The following NKAIN3 variants were observed in gnomAD, a reference collection of about 807,000 sequenced individuals.
NKAIN3 encodes the protein sodium/potassium transporting ATPase interacting 3, also known as sodium/potassium-transporting ATPase subunit beta-1-interacting protein 3.
Under a neutral mutation model 30.2 loss-of-function variants are expected in NKAIN3, and 25 were observed. That is an observed-to-expected ratio of 0.83 (90% CI 0.60 to 1.16). NKAIN3 has a LOEUF of 1.16. Ranked by LOEUF, NKAIN3 falls within the 50% of genes most tolerant of loss-of-function variation. The probability of loss-of-function intolerance (pLI) is 0.00; values close to 1 mark genes in which losing one functional copy is unlikely to be tolerated. For synonymous variants in NKAIN3, 91 were observed against 89.6 expected (o/e 1.02, Z -0.09); for missense variants, 225 against 254.1 (o/e 0.89, Z 0.78).
chr8:62,465,840 T>G (rs887908709), intron 1 of NKAIN3, among the ~76,000 whole-genome samples: 1 of 152,058 alleles, frequency 6.6e-6, no homozygotes, highest in Non-Finnish European at 1.5e-5. Flanking sequence ...CTGGCCAACA[T>G]GGTGAAACCC....
intron 1 of NKAIN3, among the ~76,000 whole-genome samples, chr8:62,520,067 C>A (rs1396801719): frequency 1.3e-5 from 2 of 152,096 alleles, no homozygotes; most frequent in African/African-American, 4.8e-5. Context: ...CAAACAAAAA[C>A]CTTAAAATTA....
At chr8:62,334,989 G>T (rs1815491396) in intron 1 of NKAIN3, among the ~76,000 whole-genome samples, 1 of 151,994 alleles carries the variant, frequency 6.6e-6, no homozygotes, top group Non-Finnish European at 1.5e-5. Context: ...TAAGGGACAG[G>T]CCCCCAAACT....
intron 4 of NKAIN3, chr8:62,855,337 C>A: frequency 1.6e-6 from 1 of 614,102 alleles, no homozygotes. Flanking sequence ...GAACTTCCAG[C>A]AGCTCCTGCT....
chr8:62,442,265 A>G (rs980542054), intron 1 of NKAIN3, among the ~76,000 whole-genome samples: 1 of 151,998 alleles, frequency 6.6e-6, no homozygotes, highest in African/African-American at 2.4e-5. Flanking sequence ...TATTTAATTT[A>G]TATTTCAATT....
At chr8:62,375,998 A>G (rs1817068948) in intron 1 of NKAIN3, among the ~76,000 whole-genome samples, 1 of 152,208 alleles carries the variant, frequency 6.6e-6, no homozygotes, top group Non-Finnish European at 1.5e-5. Context: ...CTGGGAAGAC[A>G]AAGAGAAGAG....
chr8:62,355,769 T>C (rs1816331489), intron 1 of NKAIN3, among the ~76,000 whole-genome samples: 1 of 152,218 alleles, frequency 6.6e-6, no homozygotes, highest in African/African-American at 2.4e-5. Flanking sequence ...TTGCGACATT[T>C]AGAGCCATTT....
intron 4 of NKAIN3, among the ~76,000 whole-genome samples, chr8:62,801,929 C>A (rs1250855469): frequency 6.6e-6 from 1 of 152,064 alleles, no homozygotes; most frequent in African/African-American, 2.4e-5. Flanking sequence ...CTTAAAGGAG[C>A]TGATGGAGCT....
At chr8:62,501,671 A>G (rs995616067) in intron 1 of NKAIN3, among the ~76,000 whole-genome samples, 2 of 152,154 alleles carry the variant, frequency 1.3e-5, no homozygotes, top group African/African-American at 2.4e-5. Flanking sequence ...ACAGCCTGCA[A>G]TCTTCACAAT....
Position 62,815,380 on chromosome 8 carries a change from A to G in NKAIN3, c.471+68251A>G, listed in dbSNP as rs576451657. On this transcript the variant is annotated intron_variant, in intron 4 of 6. Transcript: ENST00000623646. Reference sequence around the variant, plus strand: ...CCCTAACTCATTTTATGAGGCCAGCATCATCCTGACACCAAAGCCTGGCAG... The same window carrying G: ...CCCTAACTCATTTTATGAGGCCAGCGTCATCCTGACACCAAAGCCTGGCAG... Among the ~76,000 whole-genome samples the G allele has an allele frequency of 1.3e-3, 199 of 152,326 alleles. 2 individuals carry two copies. The highest frequency in any genetic ancestry group is 3.5e-3 in the Admixed American group (53 of 15,302).
chr8:62,741,396 AAGGAAGGAAGGAAGGAAGGAAGGAAGGC>A (rs1672936031), intron 3 of NKAIN3, among the ~76,000 whole-genome samples: 4 of 147,404 alleles, frequency 2.7e-5, no homozygotes, highest in African/African-American at 1.1e-4. Context: ...GGAAGGAAGG[AAGGAAGGAAGGAAGGAAGGAAGGAAGGC>A]AGGCAAGCAA....
intron 4 of NKAIN3, among the ~76,000 whole-genome samples, chr8:62,870,668 G>GATATCTATATATCTAT (rs1158470509): frequency 9.9e-6 from 1 of 100,992 alleles, no homozygotes; most frequent in Non-Finnish European, 1.9e-5. Context: ...GATATATATA[G>GATATCTATATATCTAT]ATATCTATAT....
chr8:62,518,521 G>A (rs1367682183), intron 1 of NKAIN3, among the ~76,000 whole-genome samples: 1 of 152,076 alleles, frequency 6.6e-6, no homozygotes, highest in Non-Finnish European at 1.5e-5. Context: ...ATAGGATAAT[G>A]CATGTGAACC....
intron 3 of NKAIN3, among the ~76,000 whole-genome samples, chr8:62,654,049 G>T (rs981702504): frequency 5.9e-5 from 9 of 152,008 alleles, no homozygotes; most frequent in African/African-American, 2.2e-4. Context: ...AACAAACTTA[G>T]AGGCAACAGA....
chr8:62,727,179 T>G (rs532474431), intron 3 of NKAIN3, among the ~76,000 whole-genome samples: 2 of 152,172 alleles, frequency 1.3e-5, no homozygotes, highest in East Asian at 3.9e-4. Flanking sequence ...GTCAGCAAAT[T>G]AGGAATAGAG....
intron 1 of NKAIN3, among the ~76,000 whole-genome samples, chr8:62,364,036 G>C (rs1215509973): frequency 6.7e-6 from 1 of 149,364 alleles, no homozygotes; most frequent in Non-Finnish European, 1.5e-5. Flanking sequence ...TCTTATTTGG[G>C]GTTCCTTCTC....
intron 4 of NKAIN3, among the ~76,000 whole-genome samples, chr8:62,840,391 T>C (rs1000886334): frequency 6.7e-6 from 1 of 149,990 alleles, no homozygotes; most frequent in East Asian, 1.9e-4. Flanking sequence ...TACCTTTCCT[T>C]TTGAGCTTGA....
intron 1 of NKAIN3, among the ~76,000 whole-genome samples, chr8:62,386,914 T>TGAGAGAGAGAGAGAGAGAGA: frequency 6.8e-6 from 1 of 147,978 alleles, no homozygotes; most frequent in East Asian, 2.0e-4. Flanking sequence ...AATTGATATA[T>TGAGAGAGAGAGAGAGAGAGA]GAGAGAGAGA....
At chr8:62,578,663 G>T (rs1439410463) in intron 1 of NKAIN3, among the ~76,000 whole-genome samples, 3 of 151,448 alleles carry the variant, frequency 2.0e-5, no homozygotes, top group South Asian at 4.2e-4. Context: ...TTTGTTTTTT[G>T]TTTTTTTTCC....
At chr8:62,885,988 T>G (rs1821135400) in intron 4 of NKAIN3, among the ~76,000 whole-genome samples, 1 of 152,186 alleles carries the variant, frequency 6.6e-6, no homozygotes, top group Non-Finnish European at 1.5e-5. Context: ...TTTAAAGTAA[T>G]TACTGATATA....
Sources: gnomAD v4.1 joint callset for allele counts (sites outside exome capture counted in the v4.1 genomes callset) on GRCh38, gnomAD v4.1.1 for gene constraint, MANE v1.5 for transcripts, NCBI Gene and HGNC (gene_info 2026-07-23, HGNC 2026-07-21) for gene names.